The following RASGRF1 variants were observed in gnomAD, a reference collection of about 807,000 sequenced individuals.
The protein encoded by RASGRF1 is ras-specific guanine nucleotide-releasing factor 1.
RASGRF1 carries 40 observed loss-of-function variants against 138.7 expected under a neutral mutation model. The ratio of observed to expected loss-of-function variants is 0.29; its 90% confidence interval spans 0.22 to 0.38. RASGRF1 has a LOEUF of 0.38. Among genes scored for constraint, RASGRF1 ranks in the 10% least tolerant of loss-of-function variants. The probability of loss-of-function intolerance (pLI) is 1.00; values close to 1 mark genes in which losing one functional copy is unlikely to be tolerated. For synonymous variants in RASGRF1, 614 were observed against 663.2 expected (o/e 0.93, Z 1.14); for missense variants, 1,108 against 1,650.4 (o/e 0.67, Z 5.69).
chr15:79,007,178 C>T (rs1350403925), intron 13 of RASGRF1, among the ~76,000 whole-genome samples: 1 of 152,186 alleles, frequency 6.6e-6, no homozygotes, highest in Non-Finnish European at 1.5e-5. Context: ...GTGCAGTTAG[C>T]CAGAACAAAG....
chr15:79,043,070 T>C (rs1246949607), intron 5 of RASGRF1, among the ~76,000 whole-genome samples: 3 of 152,008 alleles, frequency 2.0e-5, no homozygotes, highest in Admixed American at 2.0e-4. Flanking sequence ...GGGACCAGGG[T>C]AGAGGAGAGG....
chr15:79,078,272 CT>C (rs1460522506), intron 1 of RASGRF1, among the ~76,000 whole-genome samples: 2 of 152,116 alleles, frequency 1.3e-5, no homozygotes, highest in Non-Finnish European at 2.9e-5. Flanking sequence ...CTCCAGCTCC[CT>C]TTTCCATCTC....
Position 79,006,500 on chromosome 15 carries a change from C to T in RASGRF1, c.1827-66G>A, listed in dbSNP as rs1053460435. On this transcript the variant is annotated intron_variant, in intron 13 of 26. Transcript: ENST00000558480. This position sits in a 1 kb window ranked among gnomAD's most constrained non-coding sequence, Gnocchi z 4.0. Reference sequence around the variant, plus strand: ...AGGCATCTGAATGGCACCCACCAGGCCTGCTCATCACTGCTTCCCCCACAC... The same window carrying T: ...AGGCATCTGAATGGCACCCACCAGGTCTGCTCATCACTGCTTCCCCCACAC... 9.1e-6 allele frequency: 14 copies of T among 1,541,580 alleles called. No homozygotes were observed. The highest frequency in any genetic ancestry group is 1.4e-5 in the African/African-American group (1 of 73,860).
chr15:78,982,897 C>T (rs2056067324), intron 23 of RASGRF1, among the ~76,000 whole-genome samples: 1 of 150,432 alleles, frequency 6.6e-6, no homozygotes, highest in African/African-American at 2.4e-5. Flanking sequence ...TTTTTTTTTT[C>T]CCCAAAGAGG....
At chr15:79,077,469 C>T (rs185912987) in intron 1 of RASGRF1, among the ~76,000 whole-genome samples, 4 of 152,270 alleles carry the variant, frequency 2.6e-5, no homozygotes, top group Admixed American at 2.6e-4. Flanking sequence ...ATCAACCTAG[C>T]AGTGGCACAT....
chr15:79,061,502 A>G (rs899272313), intron 2 of RASGRF1, among the ~76,000 whole-genome samples: 8 of 150,174 alleles, frequency 5.3e-5, no homozygotes, highest in Non-Finnish European at 1.2e-4. Context: ...CAGTTTGATC[A>G]GTTTTGATAA....
At chr15:78,998,906 C>T (rs571845836) in intron 17 of RASGRF1, 81 bp from the exon 18 acceptor site, 46 of 1,182,258 alleles carry the variant, frequency 3.9e-5, no homozygotes, top group African/African-American at 3.6e-4. Context: ...ATTTGCCTCT[C>T]GGATCTGGCT....
At chr15:79,090,130 C>T (rs1595985971) in intron 1 of RASGRF1, 93 bp downstream of exon 1, 1 of 1,431,536 alleles carries the variant, frequency 7.0e-7, no homozygotes, top group East Asian at 2.5e-5. Context: ...AGTAGAGGGG[C>T]CAAAGTTCAA....
intron 8 of RASGRF1, among the ~76,000 whole-genome samples, chr15:79,029,708 G>T (rs1402733262): frequency 1.3e-5 from 2 of 152,098 alleles, no homozygotes. Flanking sequence ...ATGGCTTCCT[G>T]CTTGTGGGAG....
At chr15:79,051,840 T>G (rs1313636961) in intron 3 of RASGRF1, among the ~76,000 whole-genome samples, 1 of 152,112 alleles carries the variant, frequency 6.6e-6, no homozygotes, top group Non-Finnish European at 1.5e-5. Context: ...ACTGCAAAAG[T>G]CTTGAACTAT....
intron 5 of RASGRF1, among the ~76,000 whole-genome samples, chr15:79,038,526 G>A (rs1421530836): frequency 6.6e-6 from 1 of 152,066 alleles, no homozygotes; most frequent in Non-Finnish European, 1.5e-5. Context: ...TTATTAATGG[G>A]TTGGTTGAAC....
chr15:79,001,556 A>C, intron 16 of RASGRF1, 106 bp downstream of exon 16: 1 of 1,329,976 alleles, frequency 7.5e-7, no homozygotes, highest in Non-Finnish European at 1.0e-6. Context: ...CTTAGGAGTC[A>C]CTCATAAAGC....
At chr15:79,016,829 G>A (rs539287863) in intron 12 of RASGRF1, among the ~76,000 whole-genome samples, 10 of 152,320 alleles carry the variant, frequency 6.6e-5, no homozygotes, top group African/African-American at 2.4e-4. Context: ...AGCAAGCAAG[G>A]GAAGCCGTCC....
chr15:79,027,847 A>T lies in RASGRF1; in HGVS notation c.1275T>A (p.Asp425Glu). The T allele has an allele frequency of 6.2e-7, 1 of 1,614,204 alleles. No individual in the cohort carries two copies. Among genetic ancestry groups the T allele is most frequent in the Non-Finnish European group, 8.5e-7 (1 of 1,180,032 alleles). ...GGATGTTCTCCGTCTCACTTACTTC[A>T]TCGTGCATTATTCTGTGGGGATGGG... is the stretch of plus-strand genomic sequence containing the variant. The part of the protein sequence containing the change: ...KLEELSRIMH[D>E]EVSETENIRK... Residue 425 changes from aspartate to glutamate, a missense_variant, in exon 9 of 27, where the codon GAT becomes GAA. Asp to Glu is a conservative substitution (Grantham distance 45, BLOSUM62 2). Around this residue, in one of 3 missense-constraint regions of RASGRF1, gnomAD observed 169 missense variants for 344.2 expected, o/e 0.49. Transcript: ENST00000558480. This position sits in a 1 kb window ranked among gnomAD's most constrained non-coding sequence, Gnocchi z 4.8.
chr15:79,028,502 C>G (rs557978726), intron 8 of RASGRF1, among the ~76,000 whole-genome samples: 1 of 152,114 alleles, frequency 6.6e-6, no homozygotes, highest in Non-Finnish European at 1.5e-5. Context: ...GACAACTCCC[C>G]TATTTCGCTC....
Position 79,090,670 on chromosome 15 carries a change from T to A in RASGRF1, c.-172A>T. 2.2e-6 allele frequency: 2 copies of A among 906,036 alleles called. No individual in the cohort carries two copies. The highest frequency in any genetic ancestry group is 3.3e-6 in the Non-Finnish European group (2 of 614,108). 56.1% of individuals were successfully genotyped at this position (906,036 alleles called of 1,614,324 possible). A position where few individuals can be genotyped will look rare whatever the true frequency, so the allele number is the denominator to read the frequency against. On this transcript the variant is annotated 5_prime_UTR_variant, in exon 1 of 27. It adds an upstream start codon to the 5' untranslated region. Transcript: ENST00000558480. ...GGATCTGGCGCCGAGCCGCGGCTTC[T>A]TGAATCCAGATATACCATTCCCCGC...
intron 12 of RASGRF1, among the ~76,000 whole-genome samples, chr15:79,016,659 G>A (rs1257838657): frequency 6.6e-6 from 1 of 152,224 alleles, no homozygotes; most frequent in Non-Finnish European, 1.5e-5. Flanking sequence ...CTTTCTGGGT[G>A]TTTTGAAGAC....
In RASGRF1 at chr15:79,032,326, C is replaced by T. The variant is rs573485986; in HGVS notation, c.959-10G>A. On this transcript the variant is annotated splice_polypyrimidine_tract_variant and intron_variant, in intron 6 of 26. Transcript: ENST00000558480. This position sits in a 1 kb window ranked among gnomAD's most constrained non-coding sequence, Gnocchi z 4.5. ...ATGTCAAATAGGTCAGCTGGAAGGACGAGGCAGTCAGCGGGTGGCTAGGGC... is the reference window on the plus strand; with the variant it reads ...ATGTCAAATAGGTCAGCTGGAAGGATGAGGCAGTCAGCGGGTGGCTAGGGC... 1.1e-4 allele frequency: 185 copies of T among 1,613,268 alleles called. No individual in the cohort carries two copies. The highest frequency in any genetic ancestry group is 1.4e-4 in the Non-Finnish European group (162 of 1,179,614).
At chr15:79,072,945 C>T (rs929930231) in intron 1 of RASGRF1, among the ~76,000 whole-genome samples, 1 of 152,138 alleles carries the variant, frequency 6.6e-6, no homozygotes, top group Non-Finnish European at 1.5e-5. Context: ...GGATAGGACC[C>T]AAATCACACC....
Sources: gnomAD v4.1 joint callset for allele counts (sites outside exome capture counted in the v4.1 genomes callset) on GRCh38, gnomAD v4.1.1 for gene constraint, gnomAD v4.1.1 regional missense constraint, Gnocchi (gnomAD v3.1) non-coding constraint, MANE v1.5 for transcripts, NCBI Gene and HGNC (gene_info 2026-07-23, HGNC 2026-07-21) for gene names.